KCNIP4: variants seen among roughly 807,000 people sequenced by gnomAD.
The protein encoded by KCNIP4 is Kv channel-interacting protein 4.
In KCNIP4, 12 loss-of-function variants were observed where a neutral mutation model predicts 34.0. The observed-to-expected ratio is 0.35, with a 90% CI of 0.23 to 0.57. The LOEUF (loss-of-function observed/expected upper bound fraction) is 0.57. Ranked by LOEUF, KCNIP4 falls within the 20% of genes least tolerant of loss-of-function variation. The pLI is 0.83. For synonymous variants in KCNIP4, 124 were observed against 102.2 expected (o/e 1.21, Z -1.29); for missense variants, 238 against 311.7 (o/e 0.76, Z 1.78).
chr4:21,401,891 G>T (rs1723591479), intron 1 of KCNIP4, among the ~76,000 whole-genome samples: 1 of 152,150 alleles, frequency 6.6e-6, no homozygotes, highest in Admixed American at 6.6e-5. Flanking sequence ...TTTTCCAAAA[G>T]CCCATGCTAT....
chr4:20,957,819 GAATT>G (rs1316941049), intron 1 of KCNIP4, among the ~76,000 whole-genome samples: 2 of 152,068 alleles, frequency 1.3e-5, no homozygotes, highest in Non-Finnish European at 2.9e-5. Context: ...ATAAAATATA[GAATT>G]ATCTAAAAAT....
At chr4:21,019,351 T>C (rs1339359540) in intron 1 of KCNIP4, among the ~76,000 whole-genome samples, 1 of 151,794 alleles carries the variant, frequency 6.6e-6, no homozygotes, top group Non-Finnish European at 1.5e-5. Flanking sequence ...AAAGACGGGG[T>C]TTCACCACGT....
At chr4:20,951,443 T>C (rs1732779435) in intron 1 of KCNIP4, among the ~76,000 whole-genome samples, 1 of 152,186 alleles carries the variant, frequency 6.6e-6, no homozygotes, top group African/African-American at 2.4e-5. Flanking sequence ...GATAAAATAA[T>C]ACTAACGAGA....
intron 1 of KCNIP4, among the ~76,000 whole-genome samples, chr4:21,447,754 G>T (rs984471822): frequency 7.2e-5 from 11 of 151,980 alleles, no homozygotes; most frequent in African/African-American, 2.4e-4. Flanking sequence ...TTATTATGTT[G>T]TACTCACCCT....
intron 1 of KCNIP4, among the ~76,000 whole-genome samples, chr4:21,175,048 G>A (rs1409124043): frequency 6.6e-6 from 1 of 151,854 alleles, no homozygotes; most frequent in African/African-American, 2.4e-5. Flanking sequence ...GACCAAGATG[G>A]CCTTAATGTC....
intron 3 of KCNIP4, among the ~76,000 whole-genome samples, chr4:20,817,822 A>C (rs1716606208): frequency 6.6e-6 from 1 of 152,172 alleles, no homozygotes; most frequent in Non-Finnish European, 1.5e-5. Context: ...ATTTTCTTTG[A>C]AAAGTTATTC....
At chr4:21,270,725 A>G (rs1312955893) in intron 1 of KCNIP4, among the ~76,000 whole-genome samples, 1 of 152,002 alleles carries the variant, frequency 6.6e-6, no homozygotes, top group Non-Finnish European at 1.5e-5. Flanking sequence ...GGTGGCTCAC[A>G]CCTGTAATCC....
At chr4:21,359,272 C>G (rs1718974778) in intron 1 of KCNIP4, among the ~76,000 whole-genome samples, 1 of 152,004 alleles carries the variant, frequency 6.6e-6, no homozygotes, top group Admixed American at 6.6e-5. Context: ...CCCTCTGCTC[C>G]CCTGGTTCTC....
chr4:21,929,518 T>C (rs192567920), intron 1 of KCNIP4, among the ~76,000 whole-genome samples: 42 of 152,276 alleles, frequency 2.8e-4, no homozygotes, highest in Non-Finnish European at 7.4e-5. Flanking sequence ...TTCTTTCTAT[T>C]GTGCTTTTAC....
chr4:21,837,868 T>C (rs1165021374), intron 1 of KCNIP4, among the ~76,000 whole-genome samples: 1 of 152,182 alleles, frequency 6.6e-6, no homozygotes, highest in Non-Finnish European at 1.5e-5. Context: ...ATTCCATCAA[T>C]ATTTCTACTA....
At chr4:21,218,531 T>C (rs1460012450) in intron 1 of KCNIP4, among the ~76,000 whole-genome samples, 3 of 152,186 alleles carry the variant, frequency 2.0e-5, no homozygotes, top group African/African-American at 7.2e-5. Context: ...AATGAGTATA[T>C]AAATCAATGG....
intron 1 of KCNIP4, among the ~76,000 whole-genome samples, chr4:21,934,284 TG>T (rs1578159541): frequency 6.6e-6 from 1 of 152,066 alleles, no homozygotes; most frequent in African/African-American, 2.4e-5. Context: ...GGCACTAGTT[TG>T]TCCACAGTGG....
At chr4:21,474,789 G>A (rs573422543) in intron 1 of KCNIP4, among the ~76,000 whole-genome samples, 3 of 152,174 alleles carry the variant, frequency 2.0e-5, no homozygotes, top group South Asian at 2.1e-4. Context: ...AAGGTCAGCA[G>A]TTTGAGACCA....
intron 1 of KCNIP4, among the ~76,000 whole-genome samples, chr4:20,895,434 A>G (rs190828802): frequency 4.6e-4 from 70 of 152,306 alleles, no homozygotes; most frequent in Non-Finnish European, 7.4e-4. Flanking sequence ...AATGGGGCTA[A>G]TAATAGATGA....
chr4:21,799,323 G>A (rs1410179484), intron 1 of KCNIP4, among the ~76,000 whole-genome samples: 2 of 152,246 alleles, frequency 1.3e-5, no homozygotes, highest in Non-Finnish European at 2.9e-5. Context: ...AAATGACAGA[G>A]CCAGAAATTG....
intron 1 of KCNIP4, among the ~76,000 whole-genome samples, chr4:21,479,925 AG>A (rs1217857650): frequency 6.6e-6 from 1 of 151,834 alleles, no homozygotes; most frequent in African/African-American, 2.4e-5. Context: ...TGAGAATATT[AG>A]GAATGAGAAA....
intron 1 of KCNIP4, among the ~76,000 whole-genome samples, chr4:21,200,800 TAA>T (rs201412406): frequency 6.7e-6 from 1 of 149,966 alleles, no homozygotes; most frequent in African/African-American, 2.5e-5. Context: ...ATAAAAAAAA[TAA>T]AAATTTTTTT....
At chr4:21,485,694 A>C (rs1731838942) in intron 1 of KCNIP4, among the ~76,000 whole-genome samples, 1 of 152,154 alleles carries the variant, frequency 6.6e-6, no homozygotes, top group African/African-American at 2.4e-5. Context: ...CCTTGCTGAA[A>C]ACTTCTAGGG....
chr4:21,290,941 G>A (rs766473413), intron 1 of KCNIP4, among the ~76,000 whole-genome samples: 18 of 152,164 alleles, frequency 1.2e-4, no homozygotes, highest in Non-Finnish European at 2.4e-4. Flanking sequence ...ATTCTTTACA[G>A]ACAATAGTCC....
Sources: gnomAD v4.1 joint callset for allele counts (sites outside exome capture counted in the v4.1 genomes callset) on GRCh38, gnomAD v4.1.1 for gene constraint, MANE v1.5 for transcripts, NCBI Gene and HGNC (gene_info 2026-07-23, HGNC 2026-07-21) for gene names.